The following FMN2 variants were observed in gnomAD, a reference collection of about 807,000 sequenced individuals.
FMN2 encodes the protein formin 2.
A neutral mutation model predicts 142.3 loss-of-function variants in FMN2; 51 were observed. The ratio of observed to expected loss-of-function variants is 0.36; its 90% CI spans 0.29 to 0.45. FMN2 has a LOEUF of 0.45. Ranked by LOEUF, FMN2 falls within the 20% of genes least tolerant of loss-of-function variation. The pLI, the probability that FMN2 is intolerant of heterozygous loss-of-function variation, is 1.00. For missense variants in FMN2, 1,936 were observed against 2,122.8 expected (o/e 0.91, Z 1.73); for synonymous variants, 882 against 869.8 (o/e 1.01, Z -0.25).
intron 6 of FMN2, among the ~76,000 whole-genome samples, chr1:240,215,915 A>G (rs1424446944): frequency 6.6e-6 from 1 of 151,828 alleles, no homozygotes; most frequent in African/African-American, 2.4e-5. Flanking sequence ...CGCCATGTTG[A>G]TCAGGCTGGT....
intron 6 of FMN2, among the ~76,000 whole-genome samples, chr1:240,216,935 C>A (rs534924554): frequency 1.4e-5 from 2 of 147,752 alleles, no homozygotes; most frequent in African/African-American, 4.9e-5. Flanking sequence ...GGCAACAGAG[C>A]GAGACTCCGT....
intron 1 of FMN2, among the ~76,000 whole-genome samples, chr1:240,115,575 G>A (rs1417727773): frequency 6.6e-6 from 1 of 152,156 alleles, no homozygotes; most frequent in Non-Finnish European, 1.5e-5. Context: ...AGTTCAGGTT[G>A]AGGGACACTG....
chr1:240,109,676 G>A (rs1033522604), intron 1 of FMN2, among the ~76,000 whole-genome samples: 25 of 151,986 alleles, frequency 1.6e-4, no homozygotes, highest in African/African-American at 5.3e-4. Context: ...TGATGCATTC[G>A]TATTACTTGA....
At chr1:240,419,670 T>C (rs1165164733) in intron 15 of FMN2, among the ~76,000 whole-genome samples, 2 of 152,194 alleles carry the variant, frequency 1.3e-5, no homozygotes, top group Non-Finnish European at 2.9e-5. Context: ...TACAGTCTAC[T>C]GAGTGATGGC....
At position 240,388,862 on chromosome 1, in the gene FMN2, C is replaced by CAA. The variant is rs1332625932; in HGVS notation, c.4859-3635_4859-3634dup. ...GGGCAACAAGAGCAAAACTCCATCTCAAAAAAAAAAAAAAAGGGGGGGGGT... is the reference window on the plus strand; with the variant it reads ...GGGCAACAAGAGCAAAACTCCATCTCAAAAAAAAAAAAAAAAAGGGGGGGGGT... On this transcript the variant is annotated intron_variant, in intron 14 of 17. Coordinates refer to ENST00000319653, the MANE Select transcript of FMN2 (RefSeq NM_020066.5). Among the ~76,000 whole-genome samples, 16 of 44,466 alleles carry CAA rather than the reference C, an allele frequency of 3.6e-4. 1 individual carries two copies. The highest frequency in any genetic ancestry group is 2.2e-3 in the Admixed American group (10 of 4,632). 29.2% of individuals were successfully genotyped at this position (44,466 alleles called of 152,430 possible). A position where few individuals can be genotyped will look rare whatever the true frequency, so the allele number is the denominator to read the frequency against.
At chr1:240,329,984 T>G (rs898912688) in intron 10 of FMN2, among the ~76,000 whole-genome samples, 8 of 152,180 alleles carry the variant, frequency 5.3e-5, no homozygotes, top group African/African-American at 1.9e-4. Flanking sequence ...TTGTCAAATA[T>G]CAGTAATACC....
At chr1:240,337,628 T>C (rs1319363472) in intron 13 of FMN2, among the ~76,000 whole-genome samples, 1 of 152,208 alleles carries the variant, frequency 6.6e-6, no homozygotes. Context: ...TGGCCATTCA[T>C]AATAAGGTAA....
intron 1 of FMN2, among the ~76,000 whole-genome samples, chr1:240,114,259 A>C (rs567639828): frequency 6.6e-6 from 1 of 152,354 alleles, no homozygotes; most frequent in Non-Finnish European, 1.5e-5. Context: ...TATTGAAAGC[A>C]AATAGAGTAA....
intron 6 of FMN2, among the ~76,000 whole-genome samples, chr1:240,230,073 T>C (rs1425351476): frequency 1.5e-5 from 2 of 131,352 alleles, no homozygotes; most frequent in Admixed American, 1.5e-4. Flanking sequence ...CCCAGCCTTT[T>C]GGGAGGCTGA....
chr1:240,453,862 G>A lies in FMN2; in HGVS notation c.5060+15652G>A, dbSNP rs1168666266. Reference sequence around the variant, plus strand: ...AAATTAGCCGGGCGCGGTGGCGGGCGCCTGTAGTCCCAGCTACTCGGGAGG... The same window carrying A: ...AAATTAGCCGGGCGCGGTGGCGGGCACCTGTAGTCCCAGCTACTCGGGAGG... On this transcript the variant is annotated intron_variant, in intron 16 of 17. Coordinates refer to ENST00000319653, the MANE Select transcript of FMN2 (RefSeq NM_020066.5). 6.9e-5 allele frequency among the ~76,000 whole-genome samples: 4 copies of A among 58,194 alleles called. 2 individuals are homozygous for A. Among genetic ancestry groups the A allele is most frequent in the Admixed American group, 4.0e-4 (2 of 5,044 alleles). 38.2% of individuals were successfully genotyped at this position (58,194 alleles called of 152,430 possible).
At chr1:240,430,466 G>T (rs768235051) in intron 15 of FMN2, among the ~76,000 whole-genome samples, 3 of 151,828 alleles carry the variant, frequency 2.0e-5, no homozygotes, top group Non-Finnish European at 2.9e-5. Context: ...ATGGCATAAT[G>T]GTATATTTAA....
intron 16 of FMN2, among the ~76,000 whole-genome samples, chr1:240,463,666 CAGA>C (rs1239327975): frequency 3.3e-5 from 5 of 152,108 alleles, no homozygotes; most frequent in African/African-American, 1.2e-4. Context: ...TTGGAAAACT[CAGA>C]AGTTCTCTGA....
chr1:240,469,181 G>A (rs16840156), intron 16 of FMN2, among the ~76,000 whole-genome samples: 5,720 of 152,120 alleles, frequency 0.038, 339 homozygotes, highest in African/African-American at 0.13. Flanking sequence ...CCAGGGCACC[G>A]TTTCTCAGGG....
intron 8 of FMN2, among the ~76,000 whole-genome samples, chr1:240,312,759 A>T (rs893526098): frequency 6.6e-6 from 1 of 152,210 alleles, no homozygotes; most frequent in Non-Finnish European, 1.5e-5. Flanking sequence ...TGAAATAAAG[A>T]CTATTGCTTT....
At chr1:240,188,692 T>A (rs1204284807) in intron 4 of FMN2, among the ~76,000 whole-genome samples, 2 of 152,244 alleles carry the variant, frequency 1.3e-5, no homozygotes, top group Non-Finnish European at 2.9e-5. Flanking sequence ...TTAATTAGTA[T>A]CTGTTTAATT....
At chr1:240,278,822 A>G (rs1408363279) in intron 7 of FMN2, among the ~76,000 whole-genome samples, 1 of 152,158 alleles carries the variant, frequency 6.6e-6, no homozygotes, top group Non-Finnish European at 1.5e-5. Flanking sequence ...TTATTGGTTC[A>G]GTTTTCATGG....
chr1:240,153,887 G>T (rs1367927989), intron 2 of FMN2, among the ~76,000 whole-genome samples: 3 of 151,972 alleles, frequency 2.0e-5, no homozygotes, highest in African/African-American at 7.2e-5. Context: ...AGGCCAAGGA[G>T]GGTGGATCAC....
At chr1:240,328,169 A>AAAAG (rs1671251878) in intron 8 of FMN2, among the ~76,000 whole-genome samples, 6 of 125,184 alleles carry the variant, frequency 4.8e-5, no homozygotes, top group Non-Finnish European at 1.0e-4. Context: ...AAAAAAAAAA[A>AAAAG]AAAGAAAAAG....
chr1:240,184,236 CTTTTTTT>C (rs34050336), intron 3 of FMN2, among the ~76,000 whole-genome samples: 1 of 79,438 alleles, frequency 1.3e-5, no homozygotes, highest in Non-Finnish European at 2.2e-5. Flanking sequence ...AATATTTAAC[CTTTTTTT>C]TTTTTTTTTT....
Sources: allele counts gnomAD v4.1 joint callset (sites outside exome capture counted in the v4.1 genomes callset), GRCh38; gene constraint gnomAD v4.1.1; transcripts MANE v1.5; gene names NCBI Gene and HGNC (gene_info 2026-07-23, HGNC 2026-07-21).